FOXP1: variants seen among roughly 807,000 people sequenced by gnomAD.
The protein encoded by FOXP1 is forkhead box protein P1.
In FOXP1, 15 loss-of-function variants were observed where a neutral mutation model predicts 98.2. The observed-to-expected ratio is 0.15, with a 90% CI of 0.10 to 0.24. FOXP1 has a LOEUF of 0.24. Among genes scored for constraint, FOXP1 ranks in the 10% least tolerant of loss-of-function variants. The pLI, the probability that FOXP1 is intolerant of heterozygous loss-of-function variation, is 1.00. For missense variants in FOXP1, 633 were observed against 848.5 expected (o/e 0.75, Z 3.15); for synonymous variants, 371 against 314.5 (o/e 1.18, Z -1.90).
intron 6 of FOXP1, 136 bp downstream of exon 6, chr3:71,198,066 C>T (rs753439074): frequency 1.2e-6 from 2 of 1,614,152 alleles, no homozygotes; most frequent in South Asian, 1.1e-5. Context: ...TTATGAGATG[C>T]CACTGACAGA....
chr3:71,316,837 T>C (rs2075109403), intron 4 of FOXP1, among the ~76,000 whole-genome samples: 2 of 152,014 alleles, frequency 1.3e-5, no homozygotes, highest in African/African-American at 4.8e-5. Flanking sequence ...TTTTGTATTT[T>C]AGTAGAAACG....
intron 3 of FOXP1, among the ~76,000 whole-genome samples, chr3:71,417,567 T>TC (rs1024374978): frequency 6.6e-6 from 1 of 151,286 alleles, no homozygotes; most frequent in African/African-American, 2.4e-5. Flanking sequence ...TTCTTGTGAT[T>TC]TTTTTTTCAC....
intron 11 of FOXP1, among the ~76,000 whole-genome samples, chr3:71,032,606 T>A (rs959913533): frequency 6.6e-6 from 1 of 152,168 alleles, no homozygotes; most frequent in Admixed American, 6.6e-5. Flanking sequence ...CTCATTTGCA[T>A]TGCCCCAGTG....
chr3:71,129,569 C>T (rs955736949), intron 6 of FOXP1, among the ~76,000 whole-genome samples: 1 of 152,106 alleles, frequency 6.6e-6, no homozygotes, highest in Admixed American at 6.5e-5. Context: ...CCTGTCTATT[C>T]CCTGACCACC....
chr3:71,524,839 T>C (rs1463682853), intron 2 of FOXP1, among the ~76,000 whole-genome samples: 4 of 152,196 alleles, frequency 2.6e-5, no homozygotes, highest in African/African-American at 7.2e-5. Context: ...TTGCCTGCTA[T>C]AAAATCCTAA....
intron 19 of FOXP1, among the ~76,000 whole-genome samples, chr3:70,967,710 G>GTTTT (rs756777959): frequency 1.5e-3 from 105 of 68,832 alleles, no homozygotes; most frequent in Middle Eastern, 0.011. Context: ...GTTTTTTTTT[G>GTTTT]TTTTTTTTTT....
intron 5 of FOXP1, among the ~76,000 whole-genome samples, chr3:71,214,809 C>G (rs1052040159): frequency 1.3e-5 from 2 of 152,156 alleles, no homozygotes; most frequent in Non-Finnish European, 2.9e-5. Context: ...AGAGCCAGTG[C>G]ATTTATCCAA....
At chr3:71,307,698 C>A (rs181119963) in intron 4 of FOXP1, among the ~76,000 whole-genome samples, 1 of 152,300 alleles carries the variant, frequency 6.6e-6, no homozygotes, top group East Asian at 1.9e-4. Context: ...CCCCATGGAG[C>A]TTCTAATGAA....
At chr3:71,029,582 G>C (rs1207602041) in intron 11 of FOXP1, among the ~76,000 whole-genome samples, 2 of 151,820 alleles carry the variant, frequency 1.3e-5, no homozygotes, top group African/African-American at 4.8e-5. Flanking sequence ...GTAGAGACAG[G>C]GTCTCACTAT....
intron 6 of FOXP1, among the ~76,000 whole-genome samples, chr3:71,139,614 T>C (rs1031071628): frequency 6.6e-6 from 1 of 152,070 alleles, no homozygotes; most frequent in African/African-American, 2.4e-5. Flanking sequence ...TTATGGGAAA[T>C]GAACTCTTTC....
At chr3:71,364,385 A>C (rs2078771348) in intron 3 of FOXP1, among the ~76,000 whole-genome samples, 1 of 152,228 alleles carries the variant, frequency 6.6e-6, no homozygotes, top group Non-Finnish European at 1.5e-5. Flanking sequence ...AGTTTTACTT[A>C]CTTAACCTTC....
At chr3:71,235,193 A>G (rs1369418270) in intron 5 of FOXP1, among the ~76,000 whole-genome samples, 1 of 152,166 alleles carries the variant, frequency 6.6e-6, no homozygotes. Context: ...AAGGACTGGC[A>G]TGGATGTTTA....
chr3:71,153,427 G>A (rs1417178559), intron 6 of FOXP1, among the ~76,000 whole-genome samples: 1 of 151,606 alleles, frequency 6.6e-6, no homozygotes, highest in East Asian at 1.9e-4. Flanking sequence ...TTCTAGCCCA[G>A]CACCAAGCAC....
At chr3:71,576,672 T>G (rs1329928699) in intron 2 of FOXP1, among the ~76,000 whole-genome samples, 6 of 152,216 alleles carry the variant, frequency 3.9e-5, no homozygotes, top group Admixed American at 3.9e-4. Flanking sequence ...GCCAAACCAC[T>G]AGAAAGCTCC....
chr3:71,255,627 G>A (rs1290079546), intron 5 of FOXP1, among the ~76,000 whole-genome samples: 10 of 152,256 alleles, frequency 6.6e-5, no homozygotes, highest in Admixed American at 3.3e-4. Context: ...AAGGTTCTCT[G>A]TTTATTAGCA....
intron 5 of FOXP1, among the ~76,000 whole-genome samples, chr3:71,234,142 A>C (rs2066574416): frequency 1.4e-5 from 2 of 139,568 alleles, no homozygotes; most frequent in Non-Finnish European, 3.1e-5. Context: ...TCGCTTTTAC[A>C]TGTTTAATAT....
chr3:71,483,780 C>T (rs1041742063), intron 3 of FOXP1, among the ~76,000 whole-genome samples: 1 of 151,986 alleles, frequency 6.6e-6, no homozygotes, highest in Non-Finnish European at 1.5e-5. Context: ...TAGACTGAGC[C>T]TCCCACCATC....
intron 2 of FOXP1, among the ~76,000 whole-genome samples, chr3:71,503,723 A>C (rs1053815417): frequency 6.6e-6 from 1 of 152,074 alleles, no homozygotes; most frequent in African/African-American, 2.4e-5. Flanking sequence ...GGAGAATGGC[A>C]GAAGACACAG....
intron 3 of FOXP1, among the ~76,000 whole-genome samples, chr3:71,385,635 T>G (rs576386291): frequency 6.6e-6 from 1 of 152,344 alleles, no homozygotes; most frequent in South Asian, 2.1e-4. Context: ...TACATATGAA[T>G]GTATATAGGA....
Sources: gnomAD v4.1 joint callset for allele counts (sites outside exome capture counted in the v4.1 genomes callset) on GRCh38, gnomAD v4.1.1 for gene constraint, MANE v1.5 for transcripts, NCBI Gene and HGNC (gene_info 2026-07-23, HGNC 2026-07-21) for gene names.